Variants in VIL1 observed in about 807,000 individuals in gnomAD.
The protein encoded by VIL1 is villin-1.
VIL1 carries 86 observed loss-of-function variants against 104.0 expected under a neutral mutation model. The ratio of observed to expected loss-of-function variants is 0.83; its 90% CI spans 0.69 to 0.99. VIL1 has a LOEUF of 0.99. Ranked by LOEUF, VIL1 falls within the 50% of genes least tolerant of loss-of-function variation. VIL1 has a pLI of 0.00. For missense variants in VIL1, 944 were observed against 1,054.1 expected, an observed-to-expected ratio of 0.90 and a Z score of 1.45; for synonymous variants, 394 against 412.6, an observed-to-expected ratio of 0.95 and a Z score of 0.55.
In VIL1 at chr2:218,429,846, T is replaced by C. The variant is rs1314125697; in HGVS notation, c.850-3T>C. On this transcript the variant is annotated splice_polypyrimidine_tract_variant and splice_region_variant and intron_variant, in intron 8 of 19. Transcript: ENST00000248444. ...ATCAGACTCTTACCTCTCCCGACTC[T>C]AGGACTGTTACATCCTGGACCAGGG... 1 of 1,612,968 alleles carries C rather than the reference T, an allele frequency of 6.2e-7. No homozygotes were observed. The highest frequency in any genetic ancestry group is 2.2e-5 in the East Asian group (1 of 44,826).
In VIL1 at chr2:218,431,890, C is replaced by T. The variant is rs1413799926; in HGVS notation, c.1136C>T (p.Ser379Phe). 1.2e-6 allele frequency: 2 copies of T among 1,613,934 alleles called. No homozygotes were observed. The highest frequency in any genetic ancestry group is 4.5e-5 in the East Asian group (2 of 44,858). ...KVEQVKFDAT[S>F]MHVKPQVAAQ... is the part of the protein sequence containing the mutation. ...GAACAGGTGAAGTTCGATGCCACAT[C>T]CATGCATGTCAAGCCTCAGGTGGCT... is the stretch of plus-strand genomic sequence containing the variant. Residue 379 changes from serine to phenylalanine, a missense_variant, in exon 11 of 20, where the codon TCC becomes TTC. Transcript: ENST00000248444.
Position 218,452,793 on chromosome 2 carries a change from T to C in VIL1, c.*3457T>C, listed in dbSNP as rs932811363. 13 of 152,158 alleles carry C rather than the reference T, an allele frequency of 8.5e-5. No individual in the cohort carries two copies. Among genetic ancestry groups the C allele is most frequent in the African/African-American group, 3.1e-4 (13 of 41,442 alleles). 9.4% of individuals were successfully genotyped at this position (152,158 alleles called of 1,614,324 possible). A position where few individuals can be genotyped will look rare whatever the true frequency, so the allele number is the denominator to read the frequency against. On this transcript the variant is annotated 3_prime_UTR_variant, in exon 20 of 20. Transcript: ENST00000248444. ...AATTGCAGCCTGCACTTTAAATCTT[T>C]CCCAATAATTTTTAACAGTGCCTCT...
Position 218,427,411 on chromosome 2 carries a change from G to A in VIL1, c.348-554G>A, listed in dbSNP as rs144619267. Among the ~76,000 whole-genome samples, 960 of 149,276 alleles carry A rather than the reference G, an allele frequency of 6.4e-3. 10 individuals carry two copies. The highest frequency in any genetic ancestry group is 0.022 in the African/African-American group (909 of 40,476). On this transcript the variant is annotated intron_variant, in intron 4 of 19. Transcript: ENST00000248444. The stretch of plus-strand genomic sequence containing the variant: ...CGATCTCGGCTCACTGCAAACCTCC[G>A]CCTCCTGGGTTCAAGCAATTCTTCT...
intron 5 of VIL1, 76 bp from the exon 6 acceptor site, chr2:218,428,151 G>A: frequency 6.3e-7 from 1 of 1,596,168 alleles, no homozygotes; most frequent in South Asian, 1.1e-5. Flanking sequence ...GGGGTGAGGG[G>A]CAGGGAGGGA....
intron 14 of VIL1, 99 bp downstream of exon 14, chr2:218,434,804 C>T: frequency 7.6e-7 from 1 of 1,319,958 alleles, no homozygotes; most frequent in African/African-American, 1.5e-5. Flanking sequence ...CCCTGGCCAA[C>T]TAAGTTGTGC....
intron 19 of VIL1, among the ~76,000 whole-genome samples, chr2:218,446,760 CTTTT>C (rs71064450): frequency 1.0e-4 from 13 of 125,608 alleles, no homozygotes; most frequent in African/African-American, 5.0e-4. Context: ...GTGACCTTGA[CTTTT>C]TTTTTTTTTT....
In VIL1 at chr2:218,424,303, C is replaced by T. The variant is rs775193335; in HGVS notation, c.102C>T (p.Ser34=). 3 of 1,614,076 alleles carry T rather than the reference C, an allele frequency of 1.9e-6. No individual in the cohort carries two copies. Among genetic ancestry groups the T allele is most frequent in the South Asian group, 1.1e-5 (1 of 91,084 alleles). The change falls in exon 3 of 20, where the codon TCC becomes TCT. Residue 34 remains serine, a synonymous_variant. Transcript: ENST00000248444. ...CCATGCAGATGGTGCCTGTTCCTTC[C>T]AGCACCTTTGGAAGCTTCTTCGATG... ...IEAMQMVPVP[S]STFGSFFDGD...
At chr2:218,422,273 T>C (rs1023147492) in intron 1 of VIL1, among the ~76,000 whole-genome samples, 1 of 151,630 alleles carries the variant, frequency 6.6e-6, no homozygotes, top group Non-Finnish European at 1.5e-5. Flanking sequence ...AATAAATAAA[T>C]AAATAAATAA....
chr2:218,430,875 G>C lies in VIL1; in HGVS notation c.1099G>C (p.Val367Leu), dbSNP rs757607972. The change falls in exon 10 of 20, where the codon GTG becomes CTG. Residue 367 changes from valine to leucine, a missense_variant. By Grantham distance (32) the Val-to-Leu change is conservative. Coordinates refer to ENST00000248444, the MANE Select transcript of VIL1 (RefSeq NM_007127.3). The stretch of plus-strand genomic sequence containing the variant: ...AGGCAAAACCCACACTGTGGGCTCC[G>C]TGGGTGAGGGCCAGGCGGGGGCAGT... Reference protein sequence around the residue: ...GLGKTHTVGSVAKVEQVKFDA... With the variant: ...GLGKTHTVGSLAKVEQVKFDA... 2.5e-6 allele frequency: 4 copies of C among 1,612,372 alleles called. No individual in the cohort carries two copies. The highest frequency in any genetic ancestry group is 3.4e-6 in the Non-Finnish European group (4 of 1,179,264).
intron 15 of VIL1, among the ~76,000 whole-genome samples, chr2:218,435,900 T>G (rs2106394615): frequency 6.6e-6 from 1 of 152,234 alleles, no homozygotes; most frequent in South Asian, 2.1e-4. Flanking sequence ...TGGTGCAATC[T>G]CAGCTCACTG....
rs533802243 is a variant in VIL1, at chr2:218,448,563, TA to T, written c.2371-646del. 4.9e-3 allele frequency among the ~76,000 whole-genome samples: 670 copies of T among 137,298 alleles called. 1 individual carries two copies. The highest frequency in any genetic ancestry group is 7.6e-3 in the African/African-American group (287 of 37,610). The allele number at this position is 137,298 out of a possible 152,430, so 90.1% of individuals were successfully genotyped here. A position where few individuals can be genotyped will look rare whatever the true frequency, so the allele number is the denominator to read the frequency against. ...TGGGGAACACAGTAAGACACTGTCT[TA>T]AAAAAAAAAAAAAGTTCCCCATTTA... On this transcript the variant is annotated intron_variant, in intron 19 of 19. Transcript: ENST00000248444.
At chr2:218,432,001 G>C in intron 11 of VIL1, 44 bp downstream of exon 11, 2 of 1,614,058 alleles carry the variant, frequency 1.2e-6, no homozygotes, top group Non-Finnish European at 1.7e-6. Flanking sequence ...AGCAGGAATG[G>C]TGGAGCCTGT....
intron 2 of VIL1, 110 bp downstream of exon 2, chr2:218,423,963 C>G: frequency 7.9e-7 from 1 of 1,260,686 alleles, no homozygotes; most frequent in Non-Finnish European, 1.1e-6. Context: ...TGCCCTGAAG[C>G]CCCTGAGAGC....
chr2:218,427,907 C>A, intron 4 of VIL1, 58 bp from the exon 5 acceptor site: 2 of 1,532,380 alleles, frequency 1.3e-6, no homozygotes, highest in Non-Finnish European at 1.8e-6. Flanking sequence ...CCTGGGAGAA[C>A]AGGGGCCAGG....
chr2:218,437,475 C>T (rs1689216544), intron 17 of VIL1, among the ~76,000 whole-genome samples, 163 bp downstream of exon 17: 1 of 152,238 alleles, frequency 6.6e-6, no homozygotes, highest in African/African-American at 2.4e-5. Flanking sequence ...GCCATTAGGC[C>T]TCTGGTGAGA....
chr2:218,437,095 A>G, intron 16 of VIL1, 29 bp from the exon 17 acceptor site: 2 of 1,606,016 alleles, frequency 1.2e-6, no homozygotes, highest in Non-Finnish European at 1.7e-6. Context: ...GACAGGAAGG[A>G]TGGACTGATC....
chr2:218,434,960 T>C (rs955672820), intron 14 of VIL1, among the ~76,000 whole-genome samples: 5 of 152,236 alleles, frequency 3.3e-5, no homozygotes, highest in Non-Finnish European at 7.3e-5. Flanking sequence ...TCTGGCCACC[T>C]CCATCTGTCC....
intron 18 of VIL1, among the ~76,000 whole-genome samples, chr2:218,440,245 G>A (rs200410809): frequency 1.3e-5 from 2 of 152,130 alleles, no homozygotes; most frequent in African/African-American, 4.8e-5. Context: ...AATGGACTTC[G>A]GTCAGAACAG....
intron 2 of VIL1, 133 bp from the exon 3 acceptor site, chr2:218,424,144 C>G: frequency 2.6e-6 from 2 of 770,000 alleles, no homozygotes; most frequent in Non-Finnish European, 4.3e-6. Context: ...TTCTTCTCCT[C>G]TCTTCCTTTT....
Sources: allele counts gnomAD v4.1 joint callset (sites outside exome capture counted in the v4.1 genomes callset), GRCh38; gene constraint gnomAD v4.1.1; transcripts MANE v1.5; gene names NCBI Gene and HGNC (gene_info 2026-07-23, HGNC 2026-07-21).